The following GRIK2 variants were observed in gnomAD, a reference collection of about 807,000 sequenced individuals.
GRIK2 encodes glutamate receptor ionotropic, kainate 2.
GRIK2 carries 32 observed loss-of-function variants against 100.3 expected under a neutral mutation model. That is an observed-to-expected ratio of 0.32 (90% CI 0.24 to 0.43). The LOEUF (loss-of-function observed/expected upper bound fraction) is 0.43, where lower values mean the gene tolerates loss of function less well. Ranked by LOEUF, GRIK2 falls within the 20% of genes least tolerant of loss-of-function variation. The pLI is 1.00. For missense variants in GRIK2, 843 were observed against 1,114.9 expected (o/e 0.76, Z 3.47); for synonymous variants, 417 against 389.4 (o/e 1.07, Z -0.83).
intron 9 of GRIK2, among the ~76,000 whole-genome samples, chr6:101,806,434 A>T (rs1254458270): frequency 6.6e-6 from 1 of 151,990 alleles, no homozygotes; most frequent in African/African-American, 2.4e-5. Context: ...TCTCTCTTCA[A>T]TTCTGTTATA....
At chr6:101,678,080 T>C (rs1247506092) in intron 5 of GRIK2, among the ~76,000 whole-genome samples, 1 of 152,110 alleles carries the variant, frequency 6.6e-6, no homozygotes, top group Admixed American at 6.6e-5. Flanking sequence ...ATACACAGGC[T>C]TGGAAAAGAG....
chr6:101,402,879 A>G (rs1775397181), intron 2 of GRIK2, among the ~76,000 whole-genome samples: 1 of 152,190 alleles, frequency 6.6e-6, no homozygotes. Flanking sequence ...TGCCCGCCCC[A>G]GGATAGGGTG....
chr6:101,844,514 T>C (rs1464259925), intron 10 of GRIK2, among the ~76,000 whole-genome samples: 1 of 152,202 alleles, frequency 6.6e-6, no homozygotes, highest in East Asian at 1.9e-4. Flanking sequence ...TAGTTTTGTC[T>C]GATCAAATTA....
chr6:101,775,370 A>C (rs1318013775), intron 7 of GRIK2, among the ~76,000 whole-genome samples: 3 of 152,112 alleles, frequency 2.0e-5, no homozygotes, highest in Admixed American at 2.0e-4. Context: ...CTCAGCAACC[A>C]CTATCACTCA....
At chr6:101,475,390 A>G (rs1231291887) in intron 2 of GRIK2, among the ~76,000 whole-genome samples, 1 of 152,044 alleles carries the variant, frequency 6.6e-6, no homozygotes, top group Non-Finnish European at 1.5e-5. Flanking sequence ...TTAACATTGT[A>G]CATGAAATGT....
intron 7 of GRIK2, among the ~76,000 whole-genome samples, chr6:101,752,936 T>C (rs1388817461): frequency 6.6e-6 from 1 of 152,158 alleles, no homozygotes; most frequent in Non-Finnish European, 1.5e-5. Flanking sequence ...AAAGAACTTA[T>C]ATTAGAAGGT....
intron 7 of GRIK2, among the ~76,000 whole-genome samples, chr6:101,760,679 T>TAA (rs1777563769): frequency 9.2e-6 from 1 of 108,502 alleles, no homozygotes; most frequent in African/African-American, 3.7e-5. Context: ...TAATTATATA[T>TAA]TTAATTATAT....
At chr6:101,976,883 T>G (rs575630098) in intron 14 of GRIK2, among the ~76,000 whole-genome samples, 152 of 151,526 alleles carry the variant, frequency 1.0e-3, no homozygotes, top group Non-Finnish European at 1.9e-3. Context: ...TGCAGTAGAA[T>G]GACTTACTGA....
chr6:101,588,231 G>A lies in GRIK2; in HGVS notation c.116-33718G>A, dbSNP rs117971883. ...GAATTAAACAATTGATCAGGCTATCGATAAGAAAAATAGAAAAAAGCATAA... is the reference window on the plus strand; with the variant it reads ...GAATTAAACAATTGATCAGGCTATCAATAAGAAAAATAGAAAAAAGCATAA... On this transcript the variant is annotated intron_variant, in intron 2 of 16. Transcript: ENST00000369134. Among the ~76,000 whole-genome samples the A allele has an allele frequency of 5.1e-3, 768 of 152,030 alleles. 2 individuals carry two copies. Among genetic ancestry groups the A allele is most frequent in the Middle Eastern group, 0.024 (7 of 294 alleles).
chr6:101,655,653 T>C (rs1782020681), intron 4 of GRIK2, among the ~76,000 whole-genome samples: 1 of 152,186 alleles, frequency 6.6e-6, no homozygotes, highest in Admixed American at 6.5e-5. Flanking sequence ...TATATTTTTA[T>C]TTTCTTTTTA....
chr6:101,466,990 G>A (rs905686204), intron 2 of GRIK2, among the ~76,000 whole-genome samples: 1 of 152,000 alleles, frequency 6.6e-6, no homozygotes, highest in African/African-American at 2.4e-5. Flanking sequence ...CTAAGCACCC[G>A]CTAATATACA....
chr6:101,875,873 T>A (rs1205701069), intron 11 of GRIK2, among the ~76,000 whole-genome samples: 1 of 151,920 alleles, frequency 6.6e-6, no homozygotes, highest in East Asian at 1.9e-4. Flanking sequence ...AATCTGATTC[T>A]TTCGTGTTTA....
At chr6:101,867,622 A>G (rs1247939120) in intron 11 of GRIK2, among the ~76,000 whole-genome samples, 1 of 151,866 alleles carries the variant, frequency 6.6e-6, no homozygotes, top group Non-Finnish European at 1.5e-5. Flanking sequence ...CACAGCAGTA[A>G]TAATAGTTCT....
At chr6:101,849,396 T>G (rs1160534037) in intron 10 of GRIK2, among the ~76,000 whole-genome samples, 1 of 152,066 alleles carries the variant, frequency 6.6e-6, no homozygotes, top group Non-Finnish European at 1.5e-5. Flanking sequence ...CTTGAGCCCT[T>G]AGGGGGAAAT....
chr6:101,612,361 A>C (rs972032384), intron 2 of GRIK2, among the ~76,000 whole-genome samples: 1 of 151,926 alleles, frequency 6.6e-6, no homozygotes, highest in African/African-American at 2.4e-5. Flanking sequence ...GATGGGAAAT[A>C]GATTAAAGAC....
intron 11 of GRIK2, among the ~76,000 whole-genome samples, chr6:101,873,250 C>T (rs1330785893): frequency 1.7e-5 from 2 of 119,996 alleles, no homozygotes; most frequent in Non-Finnish European, 3.4e-5. Context: ...CCCCCCTCCC[C>T]CCACCCCACA....
intron 4 of GRIK2, among the ~76,000 whole-genome samples, chr6:101,657,804 A>G (rs1288559151): frequency 6.6e-6 from 1 of 152,060 alleles, no homozygotes; most frequent in African/African-American, 2.4e-5. Context: ...TTTTTTTTTC[A>G]TAAGAAATTC....
chr6:101,799,833 C>T, intron 8 of GRIK2, 42 bp downstream of exon 8: 1 of 1,508,412 alleles, frequency 6.6e-7, no homozygotes, highest in Non-Finnish European at 9.2e-7. Context: ...CTTTTGTTGT[C>T]AAGCTGAATG....
At chr6:102,006,695 T>C (rs1188985322) in intron 14 of GRIK2, among the ~76,000 whole-genome samples, 1 of 151,668 alleles carries the variant, frequency 6.6e-6, no homozygotes, top group African/African-American at 2.4e-5. Context: ...GAGATAATGA[T>C]CCTTATTAAG....
Sources: allele counts gnomAD v4.1 joint callset (sites outside exome capture counted in the v4.1 genomes callset), GRCh38; gene constraint gnomAD v4.1.1; transcripts MANE v1.5; gene names NCBI Gene and HGNC (gene_info 2026-07-23, HGNC 2026-07-21).